PRSS27: variants seen among roughly 807,000 people sequenced by gnomAD.
PRSS27 encodes the protein serine protease 27, also known as channel-activating protease 2.
A neutral mutation model predicts 32.0 loss-of-function variants in PRSS27; 25 were observed. That is an observed-to-expected ratio of 0.78 (90% CI 0.57 to 1.09). The LOEUF is 1.09. Among genes scored for constraint, PRSS27 ranks in the 50% least tolerant of loss-of-function variants. The pLI is 0.00. For synonymous variants in PRSS27, 178 were observed against 172.2 expected (o/e 1.03, Z -0.26); for missense variants, 401 against 394.9 (o/e 1.02, Z -0.13).
At chr16:2,715,164 TAG>T (rs2067693350) in intron 3 of PRSS27, 1 of 152,226 alleles carries the variant, frequency 6.6e-6, no homozygotes, top group Admixed American at 6.6e-5. Flanking sequence ...TTAAAATAAT[TAG>T]AGCTGCGGTG....
At chr16:2,716,150 A>G (rs552685478) in intron 2 of PRSS27, 1 of 544,808 alleles carries the variant, frequency 1.8e-6, no homozygotes, top group African/African-American at 1.9e-5. Flanking sequence ...AACCCAGGGA[A>G]GGGTCTTGTC....
chr16:2,712,473 T>C lies in PRSS27; in HGVS notation c.*147A>G. The C allele has an allele frequency of 1.5e-6, 1 of 654,604 alleles. No individual in the cohort carries two copies. Among genetic ancestry groups the C allele is most frequent in the Non-Finnish European group, 2.5e-6 (1 of 398,306 alleles). 40.5% of individuals were successfully genotyped at this position (654,604 alleles called of 1,614,324 possible). A position where few individuals can be genotyped will look rare whatever the true frequency, so the allele number is the denominator to read the frequency against. ...GAGAAACATAAATAAAATAAGGGTA[T>C]TTGAGAGGGGAGGAAGGAGCGCTAT... On this transcript the variant is annotated 3_prime_UTR_variant, in exon 6 of 6. Transcript: ENST00000302641. The surrounding 1 kb of genome is among the most constrained non-coding windows in gnomAD (Gnocchi z 4.6).
At chr16:2,719,570 C>T (rs907198194) in intron 1 of PRSS27, among the ~76,000 whole-genome samples, 5 of 152,144 alleles carry the variant, frequency 3.3e-5, no homozygotes, top group African/African-American at 1.2e-4. Flanking sequence ...TGGCGCATCA[C>T]CGGTTCCTCT....
chr16:2,713,884 C>CCCTTCACCCCCTCTT (rs1317121227), intron 4 of PRSS27, among the ~76,000 whole-genome samples, 181 bp downstream of exon 4: 1 of 152,224 alleles, frequency 6.6e-6, no homozygotes, highest in African/African-American at 2.4e-5. Flanking sequence ...GTCCCCCTCT[C>CCCTTCACCCCCTCTT]CCTTCACCCC....
chr16:2,718,245 G>A (rs1014422909), intron 1 of PRSS27: 4 of 151,424 alleles, frequency 2.6e-5, no homozygotes, highest in African/African-American at 4.9e-5. Context: ...AGAGTCTTCT[G>A]GTCTCTGAGT....
Position 2,714,356 on chromosome 16 carries a change from G to C in PRSS27, c.237-20C>G. ...GAGGTGCTGGCGGGAGAAACAGAGAGGCGGCGTGAGGCGGCCCCTCGTGTG... is the reference window on the plus strand; with the variant it reads ...GAGGTGCTGGCGGGAGAAACAGAGACGCGGCGTGAGGCGGCCCCTCGTGTG... On this transcript the variant is annotated intron_variant, in intron 3 of 5. Transcript: ENST00000302641. The surrounding 1 kb of genome is among the most constrained non-coding windows in gnomAD (Gnocchi z 4.7). 6.2e-7 allele frequency: 1 copy of C among 1,607,636 alleles called. No individual in the cohort carries two copies.
In PRSS27 at chr16:2,716,542, G is replaced by A; in HGVS notation, c.47-16C>T. 1 of 1,596,448 alleles carries A rather than the reference G, an allele frequency of 6.3e-7. No individual in the cohort carries two copies. Among genetic ancestry groups the A allele is most frequent in the African/African-American group, 1.3e-5 (1 of 74,904 alleles). ...CTCTGAGACCCTGGAAGTGAGGAGA[G>A]GGTGATCAGCCAGGCCAGCTGCAGC... On this transcript the variant is annotated splice_polypyrimidine_tract_variant and intron_variant, in intron 1 of 5. Transcript: ENST00000302641.
intron 1 of PRSS27, among the ~76,000 whole-genome samples, chr16:2,719,248 C>G (rs1468710746): frequency 3.3e-5 from 5 of 152,186 alleles, no homozygotes; most frequent in Non-Finnish European, 5.9e-5. Flanking sequence ...AGGGCACCAT[C>G]CTTGTGCTGG....
chr16:2,713,759 C>A, intron 4 of PRSS27, 61 bp from the exon 5 acceptor site: 2 of 1,554,990 alleles, frequency 1.3e-6, no homozygotes, highest in Non-Finnish European at 8.8e-7. Context: ...CCCACGGCCC[C>A]GGGAACCACC....
intron 1 of PRSS27, chr16:2,718,403 C>T (rs1222556765): frequency 6.6e-6 from 1 of 151,540 alleles, no homozygotes; most frequent in Non-Finnish European, 1.5e-5. Flanking sequence ...CTGCAAGCTC[C>T]GCCTCCTGGG....
intron 1 of PRSS27, 54 bp from the exon 2 acceptor site, chr16:2,716,580 C>T: frequency 6.4e-7 from 1 of 1,550,758 alleles, no homozygotes; most frequent in Non-Finnish European, 8.7e-7. Flanking sequence ...GGCCTGCCCT[C>T]CCCAACCCTG....
rs751197964 is a variant in PRSS27 at position 2,714,494 on chromosome 16, C to G, written c.237-158G>C. ...AGGACAGCCAGGTGCAGCGGTGATGCGTGTTGACATTGAAGCCAGACCGCC... is the reference window on the plus strand; with the variant it reads ...AGGACAGCCAGGTGCAGCGGTGATGGGTGTTGACATTGAAGCCAGACCGCC... On this transcript the variant is annotated intron_variant, in intron 3 of 5. Coordinates refer to ENST00000302641, the MANE Select transcript of PRSS27 (RefSeq NM_031948.5). This position sits in a 1 kb window ranked among gnomAD's most constrained non-coding sequence, Gnocchi z 4.7. 1 of 814,308 alleles carries G rather than the reference C, an allele frequency of 1.2e-6. No homozygotes were observed. 50.4% of individuals were successfully genotyped at this position (814,308 alleles called of 1,614,324 possible).
In PRSS27 at chr16:2,713,564, C is replaced by A. The variant is rs753777629; in HGVS notation, c.643G>T (p.Ala215Ser). 21 of 1,614,260 alleles carry A rather than the reference C, an allele frequency of 1.3e-5. No individual in the cohort carries two copies. The highest frequency in any genetic ancestry group is 1.7e-5 in the Non-Finnish European group (20 of 1,180,044). ...TCCTTCTTGCCCTCCTCGAAGCCGG[C>A]GCACAGCATGTCATTCTTGATGGTT... ...PKTIKNDMLC[A>S]GFEEGKKDAC... The change falls in exon 5 of 6, where the codon GCC (alanine) becomes TCC (serine). Residue 215 changes from alanine to serine, a missense_variant. Physicochemically the swap from Ala to Ser is moderately conservative, Grantham distance 99 (BLOSUM62 1). Coordinates refer to ENST00000302641, the MANE Select transcript of PRSS27 (RefSeq NM_031948.5).
intron 1 of PRSS27, among the ~76,000 whole-genome samples, chr16:2,719,614 CCCCCTG>C (rs1416498880): frequency 6.6e-6 from 1 of 152,170 alleles, no homozygotes; most frequent in Non-Finnish European, 1.5e-5. Context: ...GCCACCTACA[CCCCCTG>C]CCCCCAGCTC....
chr16:2,713,805 C>T, intron 4 of PRSS27, 107 bp from the exon 5 acceptor site: 1 of 1,314,200 alleles, frequency 7.6e-7, no homozygotes, highest in Non-Finnish European at 1.1e-6. Context: ...ATGTTTAGAC[C>T]ATCTCTGGCT....
At position 2,715,277 on chromosome 16, in the gene PRSS27, T is replaced by C. The variant is rs2067693990; in HGVS notation, c.236+441A>G. 4.9e-5 allele frequency: 8 copies of C among 162,150 alleles called. No individual in the cohort carries two copies. In the South Asian group the frequency reaches 1.2e-3, roughly 25 times the overall value. The allele number at this position is 162,150 out of a possible 1,614,324, so 10.0% of individuals were successfully genotyped here. On this transcript the variant is annotated intron_variant, in intron 3 of 5. Coordinates refer to ENST00000302641, the MANE Select transcript of PRSS27 (RefSeq NM_031948.5). The stretch of plus-strand genomic sequence containing the variant: ...GGTGGCCTGGCCTCTGCTCAGGGCT[T>C]TCTGGGGTGGTTCAGGTGGGTGAGG...
chr16:2,713,463 T>C lies in PRSS27; in HGVS notation c.678+66A>G, dbSNP rs762402746. The stretch of plus-strand genomic sequence containing the variant: ...AATGCATAGCCCATGGAGCGGGGCA[T>C]GATCCCACCCTGCCCTGGGCCTGGC... On this transcript the variant is annotated intron_variant, in intron 5 of 5. Transcript: ENST00000302641. 52 of 1,508,738 alleles carry C rather than the reference T, an allele frequency of 3.4e-5. No individual in the cohort carries two copies. In the African/African-American group the frequency reaches 6.6e-4, roughly 19 times the overall value. 93.5% of individuals were successfully genotyped at this position (1,508,738 alleles called of 1,614,324 possible).
At chr16:2,713,822 A>AGAGATGCCC in intron 4 of PRSS27, 124 bp from the exon 5 acceptor site, 1 of 1,140,284 alleles carries the variant, frequency 8.8e-7, no homozygotes, top group Non-Finnish European at 1.3e-6. Flanking sequence ...GGCTTAGGGC[A>AGAGATGCCC]CTGTGGGGCA....
chr16:2,719,222 C>A (rs914914950), intron 1 of PRSS27, among the ~76,000 whole-genome samples: 5 of 152,154 alleles, frequency 3.3e-5, no homozygotes, highest in African/African-American at 1.2e-4. Flanking sequence ...ACCTCCTGTG[C>A]ACATGGCTTG....
Sources: gnomAD v4.1 joint callset for allele counts (sites outside exome capture counted in the v4.1 genomes callset) on GRCh38, gnomAD v4.1.1 for gene constraint, Gnocchi (gnomAD v3.1) non-coding constraint, MANE v1.5 for transcripts, NCBI Gene and HGNC (gene_info 2026-07-23, HGNC 2026-07-21) for gene names.